Variants in SLC8B1 observed in about 807,000 individuals in gnomAD.
SLC8B1 encodes mitochondrial sodium/calcium exchanger protein.
A neutral mutation model predicts 63.4 loss-of-function variants in SLC8B1; 52 were observed. The ratio of observed to expected loss-of-function variants is 0.82; its 90% CI spans 0.66 to 1.03. SLC8B1 has a LOEUF of 1.03. SLC8B1 is among the 50% of genes least tolerant of loss of function. The probability of loss-of-function intolerance (pLI) is 0.00; values close to 1 mark genes in which losing one functional copy is unlikely to be tolerated. For synonymous variants in SLC8B1, 336 were observed against 323.9 expected, an observed-to-expected ratio of 1.04 and a Z score of -0.40; for missense variants, 657 against 741.7, an observed-to-expected ratio of 0.89 and a Z score of 1.33.
intron 15 of SLC8B1, 39 bp from the exon 16 acceptor site, chr12:113,300,013 C>T (rs763535307): frequency 1.6e-5 from 25 of 1,589,062 alleles, no homozygotes; most frequent in African/African-American, 2.7e-5. Flanking sequence ...AGTCACTGCC[C>T]GTCACAGGCC....
chr12:113,328,745 C>CTTT (rs557008297), intron 2 of SLC8B1, among the ~76,000 whole-genome samples: 53 of 139,758 alleles, frequency 3.8e-4, no homozygotes, highest in Admixed American at 9.4e-4. Context: ...CTCCCAGTTA[C>CTTT]TTTTTTTTTT....
At chr12:113,315,582 C>T in intron 10 of SLC8B1, 106 bp from the exon 11 acceptor site, 5 of 1,347,402 alleles carry the variant, frequency 3.7e-6, no homozygotes, top group Non-Finnish European at 4.9e-6. Context: ...ATTGCTGAAG[C>T]ACTGACTGTG....
chr12:113,308,000 G>A, intron 12 of SLC8B1, 156 bp from the exon 13 acceptor site: 1 of 829,930 alleles, frequency 1.2e-6, no homozygotes, highest in Non-Finnish European at 1.8e-6. Flanking sequence ...CCTGTGCAAA[G>A]TTAGTGCTCA....
chr12:113,327,094 G>A (rs934280735), intron 2 of SLC8B1, among the ~76,000 whole-genome samples: 1 of 152,074 alleles, frequency 6.6e-6, no homozygotes, highest in Non-Finnish European at 1.5e-5. Context: ...TGGCTTTGCT[G>A]GGGCCCAGGA....
At position 113,302,880 on chromosome 12, in the gene SLC8B1, T is replaced by G. The variant is rs149341412; in HGVS notation, c.1557+1441A>C. 5.4e-3 allele frequency among the ~76,000 whole-genome samples: 822 copies of G among 152,190 alleles called. 9 individuals are homozygous for G. Among genetic ancestry groups the G allele is most frequent in the African/African-American group, 0.019 (780 of 41,520 alleles). ...AACAGAGATGGGACCGTACAATAGG[T>G]AAGTGTTTCAAAGCGACTTGTGGTT... On this transcript the variant is annotated intron_variant, in intron 15 of 15. Transcript: ENST00000680972.
chr12:113,332,766 G>T lies in SLC8B1; in HGVS notation c.113C>A (p.Pro38His), dbSNP rs1293090085. The T allele has an allele frequency of 1.2e-6, 2 of 1,614,128 alleles. No homozygotes were observed. The highest frequency in any genetic ancestry group is 1.7e-5 in the Admixed American group (1 of 60,024). Reference protein sequence around the residue: ...RGSSTGAHISPQFPASGVNQT... With the variant: ...RGSSTGAHISHQFPASGVNQT... ...GTTCACACCTGAAGCTGGAAACTGG[G>T]GGCTAATGTGAGCTCCTGTAGACGA... The change falls in exon 2 of 16, where the codon CCC (proline) becomes CAC (histidine). Residue 38 changes from proline to histidine, a missense_variant. Physicochemically the swap from Pro to His is moderately conservative, Grantham distance 77. Transcript: ENST00000680972.
rs769606106 is a variant in SLC8B1 at position 113,316,547 on chromosome 12, C to A, written c.972G>T (p.Trp324Cys). Residue 324 changes from tryptophan (W) to cysteine (C), a missense_variant, in exon 10 of 16, where the codon TGG (tryptophan) becomes TGT (cysteine). By Grantham distance (215) the Trp-to-Cys change is radical (BLOSUM62 -2). Coordinates refer to ENST00000680972, the MANE Select transcript of SLC8B1 (RefSeq NM_001358345.2). ...CTACCTTGAACACCTTGAGGGCTTT[C>A]CAGTATGCTGATTTCCTTCTCCACT... ...YMKWRRKSAY[W>C]KALKVFKLPV... The A allele has an allele frequency of 6.2e-7, 1 of 1,614,046 alleles. No homozygotes were observed. The highest frequency in any genetic ancestry group is 1.3e-5 in the African/African-American group (1 of 74,930).
Position 113,299,651 on chromosome 12 carries a change from C to T in SLC8B1, c.*126G>A, listed in dbSNP as rs1189570835. 16 of 858,346 alleles carry T rather than the reference C, an allele frequency of 1.9e-5. No homozygotes were observed. Among genetic ancestry groups the T allele is most frequent in the Non-Finnish European group, 2.8e-5 (15 of 533,562 alleles). The allele number at this position is 858,346 out of a possible 1,614,324, so 53.2% of individuals were successfully genotyped here. On this transcript the variant is annotated 3_prime_UTR_variant, in exon 16 of 16. Transcript: ENST00000680972. ...GCTCACAGCAGTGACCTCAGATCTC[C>T]AGCAGCAAGGGCCGCACTCTCGTGC...
intron 2 of SLC8B1, among the ~76,000 whole-genome samples, chr12:113,324,350 T>TTTGA (rs974792163): frequency 6.6e-6 from 1 of 151,504 alleles, no homozygotes; most frequent in African/African-American, 2.4e-5. Flanking sequence ...CTTTTCTTTT[T>TTTGA]TTGAGATCAG....
At chr12:113,301,627 C>T (rs1475155667) in intron 15 of SLC8B1, among the ~76,000 whole-genome samples, 1 of 152,214 alleles carries the variant, frequency 6.6e-6, no homozygotes, top group Non-Finnish European at 1.5e-5. Flanking sequence ...GTGTGAACCA[C>T]CGCACCCAGC....
At chr12:113,306,066 CAAAAAAA>C (rs60824560) in intron 14 of SLC8B1, among the ~76,000 whole-genome samples, 18 of 18,100 alleles carry the variant, frequency 9.9e-4, no homozygotes, top group South Asian at 2.8e-3. Context: ...CCCCACCCTG[CAAAAAAA>C]AAAAAAAAAA....
intron 2 of SLC8B1, among the ~76,000 whole-genome samples, chr12:113,326,541 T>A (rs942829496): frequency 1.3e-5 from 2 of 152,060 alleles, no homozygotes; most frequent in African/African-American, 4.8e-5. Flanking sequence ...CTGATTTTTT[T>A]ATTTTTAGTA....
intron 2 of SLC8B1, among the ~76,000 whole-genome samples, chr12:113,321,919 G>A (rs1956937704): frequency 6.6e-6 from 1 of 152,090 alleles, no homozygotes; most frequent in Admixed American, 6.6e-5. Flanking sequence ...ATGGCTGGGG[G>A]CAGTGGCTCA....
At chr12:113,302,486 A>G (rs1956601828) in intron 15 of SLC8B1, 3 of 359,022 alleles carry the variant, frequency 8.4e-6, no homozygotes, top group African/African-American at 2.1e-5. Flanking sequence ...GCACTAGGGA[A>G]CTAACACTAT....
chr12:113,314,016 A>G (rs569941991), intron 11 of SLC8B1, among the ~76,000 whole-genome samples: 1 of 152,276 alleles, frequency 6.6e-6, no homozygotes, highest in African/African-American at 2.4e-5. Flanking sequence ...TCAAAATAAA[A>G]TAAAATAAAA....
At chr12:113,327,979 C>CAAAA (rs76685425) in intron 2 of SLC8B1, among the ~76,000 whole-genome samples, 58 of 86,746 alleles carry the variant, frequency 6.7e-4, no homozygotes, top group African/African-American at 2.1e-3. Flanking sequence ...ACTACGTCTC[C>CAAAA]AAAAAAAAAA....
At chr12:113,323,667 C>A (rs1011518378) in intron 2 of SLC8B1, among the ~76,000 whole-genome samples, 1 of 152,102 alleles carries the variant, frequency 6.6e-6, no homozygotes, top group Non-Finnish European at 1.5e-5. Context: ...CAAGATCATA[C>A]CACTGCACTC....
intron 2 of SLC8B1, among the ~76,000 whole-genome samples, chr12:113,331,385 CGA>C (rs1491549054): frequency 8.8e-6 from 1 of 114,076 alleles, no homozygotes; most frequent in Non-Finnish European, 1.7e-5. Flanking sequence ...AGACTGTTCT[CGA>C]AAAAAAAAAA....
intron 15 of SLC8B1, among the ~76,000 whole-genome samples, chr12:113,301,598 C>T (rs2136819705): frequency 6.6e-6 from 1 of 152,236 alleles, no homozygotes; most frequent in Admixed American, 6.5e-5. Context: ...CATGGCCTCC[C>T]AAAGTGCTGG....
Sources: gnomAD v4.1 joint callset for allele counts (sites outside exome capture counted in the v4.1 genomes callset) on GRCh38, gnomAD v4.1.1 for gene constraint, MANE v1.5 for transcripts, NCBI Gene and HGNC (gene_info 2026-07-23, HGNC 2026-07-21) for gene names.